The following INPP5A variants were observed in gnomAD, a reference collection of about 807,000 sequenced individuals.
INPP5A encodes the protein 43 kDa inositol polyphosphate 5-phophatase.
INPP5A carries 14 observed loss-of-function variants against 65.2 expected under a neutral mutation model. The ratio of observed to expected loss-of-function variants is 0.21; its 90% CI spans 0.14 to 0.34. The LOEUF (loss-of-function observed/expected upper bound fraction) is 0.34, where lower values mean the gene tolerates loss of function less well. Ranked by LOEUF, INPP5A falls within the 10% of genes least tolerant of loss-of-function variation. INPP5A has a pLI of 1.00. For missense variants in INPP5A, 431 were observed against 545.6 expected, an observed-to-expected ratio of 0.79 and a Z score of 2.09; for synonymous variants, 207 against 208.3, an observed-to-expected ratio of 0.99 and a Z score of 0.05.
rs186036697 is a variant in INPP5A, at chr10:132,644,388, G to A, written c.118-1480G>A. Among the ~76,000 whole-genome samples, 14 of 152,318 alleles carry A rather than the reference G, an allele frequency of 9.2e-5. No individual in the cohort carries two copies. The highest frequency in any genetic ancestry group is 3.1e-4 in the African/African-American group (13 of 41,572). On this transcript the variant is annotated intron_variant, in intron 2 of 15. Transcript: ENST00000368594. This position sits in a 1 kb window ranked among gnomAD's most constrained non-coding sequence, Gnocchi z 6.5. ...TTTCTGTCTCCCCAGCCTGAGCCCCGTCTTCACCTGCAGCACAGACAGGGC... is the reference window on the plus strand; with the variant it reads ...TTTCTGTCTCCCCAGCCTGAGCCCCATCTTCACCTGCAGCACAGACAGGGC...
At chr10:132,586,578 A>G (rs2071547544) in intron 1 of INPP5A, among the ~76,000 whole-genome samples, 1 of 152,210 alleles carries the variant, frequency 6.6e-6, no homozygotes, top group African/African-American at 2.4e-5. Context: ...GGAGGTCACC[A>G]TGGGTGGCCT....
rs980660837 is a variant in INPP5A, at chr10:132,762,550, T to C, written c.904-3223T>C. On this transcript the variant is annotated intron_variant, in intron 11 of 15. Coordinates refer to ENST00000368594, the MANE Select transcript of INPP5A (RefSeq NM_005539.5). This position sits in a 1 kb window ranked among gnomAD's most constrained non-coding sequence, Gnocchi z 4.6. ...CCACCATAAAGACAGTACCTGGCGA[T>C]GGAGAGACACAGCCCCACCAGCAGG... 1.3e-5 allele frequency among the ~76,000 whole-genome samples: 2 copies of C among 152,038 alleles called. No individual in the cohort carries two copies. The highest frequency in any genetic ancestry group is 2.9e-5 in the Non-Finnish European group (2 of 68,010).
In INPP5A at chr10:132,627,048, T is replaced by C. The variant is rs2072194269; in HGVS notation, c.118-18820T>C. Among the ~76,000 whole-genome samples, 2 of 151,910 alleles carry C rather than the reference T, an allele frequency of 1.3e-5. No homozygotes were observed. Among genetic ancestry groups the C allele is most frequent in the South Asian group, 4.2e-4 (2 of 4,818 alleles). On this transcript the variant is annotated intron_variant, in intron 2 of 15. Coordinates refer to ENST00000368594, the MANE Select transcript of INPP5A (RefSeq NM_005539.5). This position sits in a 1 kb window ranked among gnomAD's most constrained non-coding sequence, Gnocchi z 6.6. ...GATGGGGTGAGATGAGGTTATGCGG[T>C]GGGCCCCCCGGATGGGATGGGTGCC...
chr10:132,720,027 G>C (rs111546885), intron 8 of INPP5A, among the ~76,000 whole-genome samples: 1,973 of 140,228 alleles, frequency 0.014, 57 homozygotes, highest in African/African-American at 0.049. Flanking sequence ...CTGTCTGGGC[G>C]CCTTAGACGG....
In INPP5A at chr10:132,777,694, G is replaced by A. The variant is rs1054655; in HGVS notation, c.1001G>A (p.Arg334His). Residue 334 changes from arginine to histidine, a missense_variant, in exon 13 of 16, where the codon CGC (arginine) becomes CAC (histidine). Physicochemically the swap from Arg to His is conservative, Grantham distance 29. Coordinates refer to ENST00000368594, the MANE Select transcript of INPP5A (RefSeq NM_005539.5). ...PPSYPYSEDA[R>H]QGEQYMNTRC... ...AGCTACCCGTACAGTGAGGACGCCC[G>A]CCAGGGTGAGCAGTACATGAACACC... 147 of 1,612,896 alleles carry A rather than the reference G, an allele frequency of 9.1e-5. 1 individual carries two copies. The African/African-American group carries it at 1.2e-3, about 14-fold the overall frequency.
chr10:132,568,911 A>ATTTT (rs1171904388), intron 1 of INPP5A, among the ~76,000 whole-genome samples: 41 of 129,056 alleles, frequency 3.2e-4, no homozygotes, highest in African/African-American at 7.2e-4. Context: ...TCTTACCGGC[A>ATTTT]TTTTTTTTTT....
At chr10:132,641,223 C>T (rs2072423647) in intron 2 of INPP5A, among the ~76,000 whole-genome samples, 1 of 152,224 alleles carries the variant, frequency 6.6e-6, no homozygotes, top group Admixed American at 6.5e-5. Flanking sequence ...TAACACGTTG[C>T]TCCATTCCCC....
intron 1 of INPP5A, among the ~76,000 whole-genome samples, chr10:132,540,387 T>C (rs1396418125): frequency 6.6e-6 from 1 of 152,292 alleles, no homozygotes; most frequent in Non-Finnish European, 1.5e-5. Flanking sequence ...ATTATGTTTA[T>C]GTTTAGAAGG....
rs532862622 is a variant in INPP5A at position 132,556,882 on chromosome 10, G to A, written c.75+18711G>A. Among the ~76,000 whole-genome samples the A allele has an allele frequency of 2.0e-5, 3 of 152,296 alleles. No homozygotes were observed. In the East Asian group the frequency reaches 5.8e-4, roughly 29 times the overall value. On this transcript the variant is annotated intron_variant, in intron 1 of 15. Transcript: ENST00000368594. ...TATTTGATGAGGCAGTGACTGTAGG[G>A]TTTGTGGAATAGACACTTCTGTCAT...
At chr10:132,683,180 T>G (rs2073072810) in intron 4 of INPP5A, among the ~76,000 whole-genome samples, 1 of 146,722 alleles carries the variant, frequency 6.8e-6, no homozygotes, top group African/African-American at 2.6e-5. Flanking sequence ...TATGCACGTT[T>G]AATCCACGTG....
chr10:132,758,143 T>A (rs1404749955), intron 11 of INPP5A, among the ~76,000 whole-genome samples: 3 of 97,960 alleles, frequency 3.1e-5, no homozygotes, highest in Middle Eastern at 9.4e-3. Context: ...CAGTGCGATG[T>A]TGTGGGTCCC....
intron 4 of INPP5A, among the ~76,000 whole-genome samples, chr10:132,664,668 C>T (rs1301343696): frequency 6.6e-6 from 1 of 152,254 alleles, no homozygotes; most frequent in Non-Finnish European, 1.5e-5. Context: ...AGCTCCCCAT[C>T]AGCAGCAGCC....
rs902949821 is a variant in INPP5A at position 132,753,292 on chromosome 10, G to C, written c.903+3447G>C. Among the ~76,000 whole-genome samples the C allele has an allele frequency of 1.3e-5, 2 of 152,128 alleles. No individual in the cohort carries two copies. Among genetic ancestry groups the C allele is most frequent in the African/African-American group, 4.8e-5 (2 of 41,424 alleles). ...GGAGATAATCCCATCTCCACGGTCC[G>C]GTTAAACACACAGCACCGCAGCCAT... On this transcript the variant is annotated intron_variant, in intron 11 of 15. Coordinates refer to ENST00000368594, the MANE Select transcript of INPP5A (RefSeq NM_005539.5). This position sits in a 1 kb window ranked among gnomAD's most constrained non-coding sequence, Gnocchi z 5.3.
In INPP5A at chr10:132,698,526, C is replaced by T. The variant is rs768012431; in HGVS notation, c.474+607C>T. ...CATGCACTTTGCTGAGCTGTGTGCG[C>T]GGCTGTTGCTCTGTGCACGTGATCT... On this transcript the variant is annotated intron_variant, in intron 6 of 15. Transcript: ENST00000368594. The surrounding 1 kb of genome is among the most constrained non-coding windows in gnomAD (Gnocchi z 5.5). Among the ~76,000 whole-genome samples, 3 of 152,210 alleles carry T rather than the reference C, an allele frequency of 2.0e-5. No homozygotes were observed. The highest frequency in any genetic ancestry group is 2.9e-5 in the Non-Finnish European group (2 of 68,036).
At chr10:132,749,740 C>A in intron 10 of INPP5A, 31 bp from the exon 11 acceptor site, 1 of 1,609,400 alleles carries the variant, frequency 6.2e-7, no homozygotes, top group South Asian at 1.1e-5. Context: ...TGGGGGAGCT[C>A]AGGTGCTCAT....
chr10:132,747,691 C>T (rs1846396411), intron 9 of INPP5A, among the ~76,000 whole-genome samples: 1 of 152,214 alleles, frequency 6.6e-6, no homozygotes, highest in South Asian at 2.1e-4. Flanking sequence ...TTTTTAAAGC[C>T]AAAGTTACTT....
At position 132,547,622 on chromosome 10, in the gene INPP5A, C is replaced by T. The variant is rs895799586; in HGVS notation, c.75+9451C>T. 6.6e-6 allele frequency among the ~76,000 whole-genome samples: 1 copy of T among 152,198 alleles called. No homozygotes were observed. The highest frequency in any genetic ancestry group is 6.5e-5 in the Admixed American group (1 of 15,290). On this transcript the variant is annotated intron_variant, in intron 1 of 15. Transcript: ENST00000368594. This position sits in a 1 kb window ranked among gnomAD's most constrained non-coding sequence, Gnocchi z 5.5. ...CATCTCCTCCTTCTCTACCCAAGCG[C>T]CCGTGGCCTGAACAGGACTTGGTTT...
intron 1 of INPP5A, among the ~76,000 whole-genome samples, chr10:132,580,868 C>CTAGA (rs1403997920): frequency 6.6e-6 from 1 of 152,238 alleles, no homozygotes; most frequent in Non-Finnish European, 1.5e-5. Context: ...ATATCACTAG[C>CTAGA]TAGAGCTCAG....
intron 9 of INPP5A, among the ~76,000 whole-genome samples, chr10:132,735,533 G>T (rs181161809): frequency 6.6e-6 from 1 of 152,338 alleles, no homozygotes; most frequent in Non-Finnish European, 1.5e-5. Flanking sequence ...CAGAAACCAC[G>T]GCTGGCCTGG....
Sources: allele counts gnomAD v4.1 joint callset (sites outside exome capture counted in the v4.1 genomes callset), GRCh38; gene constraint gnomAD v4.1.1; non-coding constraint Gnocchi (gnomAD v3.1); transcripts MANE v1.5; gene names NCBI Gene and HGNC (gene_info 2026-07-23, HGNC 2026-07-21).